The following CREB5 variants were observed in gnomAD, a reference collection of about 807,000 sequenced individuals.
CREB5 encodes the protein cAMP responsive element binding protein 5.
In CREB5, 19 loss-of-function variants were observed where a neutral mutation model predicts 57.1. The observed-to-expected ratio is 0.33, with a 90% CI of 0.23 to 0.49. The LOEUF is 0.49. Among genes scored for constraint, CREB5 ranks in the 20% least tolerant of loss-of-function variants. CREB5 has a pLI of 0.99. For synonymous variants in CREB5, 238 were observed against 238.3 expected (o/e 1.00, Z 0.01); for missense variants, 579 against 671.6 (o/e 0.86, Z 1.52).
chr7:28,725,659 A>AAAAG (rs566073621), intron 7 of CREB5, among the ~76,000 whole-genome samples: 109 of 148,340 alleles, frequency 7.3e-4, no homozygotes, highest in South Asian at 1.7e-3. Flanking sequence ...AAAAAAAAAA[A>AAAAG]AAAGAAAGAA....
At chr7:28,490,578 A>G (rs1420618079) in intron 2 of CREB5, among the ~76,000 whole-genome samples, 4 of 152,218 alleles carry the variant, frequency 2.6e-5, no homozygotes, top group African/African-American at 9.6e-5. Flanking sequence ...GAATTTTCCA[A>G]GCTTGGCACC....
At chr7:28,625,771 A>G (rs116115392) in intron 5 of CREB5, among the ~76,000 whole-genome samples, 81 of 152,350 alleles carry the variant, frequency 5.3e-4, no homozygotes, top group African/African-American at 1.8e-3. Flanking sequence ...AAAATGTGCT[A>G]TCAGACTTTA....
At position 28,560,897 on chromosome 7, in the gene CREB5, C is replaced by CGTGTGTGTGCGTGTGT. The variant is rs1334757992; in HGVS notation, c.292-9465_292-9464insTGTGTGCGTGTGTGTG. Reference sequence around the variant, plus strand: ...GCGCGTGCGTGCGTGCGTGTGTGTGCGTGCGCGCGTGCGTGTGCGTGTGTG... The same window carrying CGTGTGTGTGCGTGTGT: ...GCGCGTGCGTGCGTGCGTGTGTGTGCGTGTGTGTGCGTGTGTGTGCGCGCGTGCGTGTGCGTGTGTG... On this transcript the variant is annotated intron_variant, in intron 4 of 10. Transcript: ENST00000357727. Among the ~76,000 whole-genome samples, 41 of 22,522 alleles carry CGTGTGTGTGCGTGTGT rather than the reference C, an allele frequency of 1.8e-3. 2 individuals are homozygous for CGTGTGTGTGCGTGTGT. Among genetic ancestry groups the CGTGTGTGTGCGTGTGT allele is most frequent in the Non-Finnish European group, 3.2e-3 (35 of 10,898 alleles). 14.8% of individuals were successfully genotyped at this position (22,522 alleles called of 152,430 possible). A position where few individuals can be genotyped will look rare whatever the true frequency, so the allele number is the denominator to read the frequency against.
intron 1 of CREB5, among the ~76,000 whole-genome samples, chr7:28,330,401 C>CCTTTTTTTTTTTTTT (rs775917974): frequency 1.1e-5 from 1 of 88,538 alleles, no homozygotes; most frequent in African/African-American, 4.9e-5. Context: ...GAGAACCTTA[C>CCTTTTTTTTTTTTTT]TTTTTTTTTT....
chr7:28,302,543 A>G (rs1785114576), intron 1 of CREB5, among the ~76,000 whole-genome samples: 1 of 152,178 alleles, frequency 6.6e-6, no homozygotes, highest in African/African-American at 2.4e-5. Flanking sequence ...TTTGAATCCA[A>G]TCCCTTCATT....
rs893238493 is a variant in CREB5 at position 28,435,502 on chromosome 7, C to T, written c.3+22585C>T. ...TAGTGGCCTCTAGCTTCTGCTGGGC[C>T]GGCCTTAATATGAATGAGGGCCATA... On this transcript the variant is annotated intron_variant, in intron 1 of 10. Coordinates refer to ENST00000357727, the MANE Select transcript of CREB5 (RefSeq NM_182898.4). 3.4e-5 allele frequency: 11 copies of T among 324,358 alleles called. No individual in the cohort carries two copies. The South Asian group carries it at 5.0e-4, about 15-fold the overall frequency. 20.1% of individuals were successfully genotyped at this position (324,358 alleles called of 1,614,324 possible).
intron 8 of CREB5, among the ~76,000 whole-genome samples, chr7:28,806,101 C>T (rs1808714512): frequency 6.6e-6 from 1 of 151,994 alleles, no homozygotes; most frequent in African/African-American, 2.4e-5. Context: ...GTTTGGTTGC[C>T]TTTATGGGCA....
At chr7:28,654,778 T>A (rs1799271556) in intron 5 of CREB5, among the ~76,000 whole-genome samples, 1 of 151,486 alleles carries the variant, frequency 6.6e-6, no homozygotes, top group Non-Finnish European at 1.5e-5. Flanking sequence ...AAATGAGAGG[T>A]TCAAATGTAC....
At chr7:28,389,423 C>T (rs1321711436) in intron 1 of CREB5, among the ~76,000 whole-genome samples, 1 of 152,106 alleles carries the variant, frequency 6.6e-6, no homozygotes, top group African/African-American at 2.4e-5. Flanking sequence ...TCCAGGGCTA[C>T]TGGCTGTGGT....
chr7:28,716,636 A>T (rs1802703874), intron 5 of CREB5, among the ~76,000 whole-genome samples: 1 of 152,230 alleles, frequency 6.6e-6, no homozygotes. Context: ...CATTATATAT[A>T]CACTTTGATA....
intron 1 of CREB5, among the ~76,000 whole-genome samples, chr7:28,442,684 T>C (rs991859642): frequency 1.3e-5 from 2 of 152,212 alleles, no homozygotes; most frequent in African/African-American, 4.8e-5. Flanking sequence ...GTTGTGGTTT[T>C]GATTTGCATT....
chr7:28,535,308 G>T (rs1222876587), intron 4 of CREB5, among the ~76,000 whole-genome samples: 9 of 128,976 alleles, frequency 7.0e-5, no homozygotes, highest in African/African-American at 2.2e-4. Context: ...TTTAGGAAAA[G>T]TGAAAGGAGG....
At chr7:28,300,220 G>T (rs1416106953) in intron 1 of CREB5, among the ~76,000 whole-genome samples, 1 of 152,076 alleles carries the variant, frequency 6.6e-6, no homozygotes, top group East Asian at 1.9e-4. Context: ...CTCATATGGT[G>T]CTAGTTCTCA....
At chr7:28,581,070 C>G (rs1310078569) in intron 5 of CREB5, among the ~76,000 whole-genome samples, 1 of 152,104 alleles carries the variant, frequency 6.6e-6, no homozygotes, top group Non-Finnish European at 1.5e-5. Context: ...CAAGATGGGT[C>G]TTCAGTTAGA....
intron 5 of CREB5, among the ~76,000 whole-genome samples, chr7:28,644,144 G>T (rs1798798632): frequency 6.6e-6 from 1 of 150,534 alleles, no homozygotes; most frequent in Non-Finnish European, 1.5e-5. Flanking sequence ...AAAAAGAAAA[G>T]AAAAGAAAAA....
intron 3 of CREB5, among the ~76,000 whole-genome samples, chr7:28,499,511 C>T (rs868591555): frequency 2.6e-5 from 4 of 152,010 alleles, no homozygotes; most frequent in South Asian, 2.1e-4. Context: ...GGATCTTTCC[C>T]GCAAGGTAAA....
At position 28,341,272 on chromosome 7, in the gene CREB5, A is replaced by G. The variant is rs552799674; in HGVS notation, c.-25+41831A>G. ...TAAGCATTTTTTTCTACTGATTTTCATTAGTTTAAACCTATAATATTTTAT... is the reference window on the plus strand; with the variant it reads ...TAAGCATTTTTTTCTACTGATTTTCGTTAGTTTAAACCTATAATATTTTAT... On this transcript the variant is annotated intron_variant, in intron 1 of 9. Transcript: ENST00000396299. Among the ~76,000 whole-genome samples the G allele has an allele frequency of 1.6e-4, 25 of 152,196 alleles. No homozygotes were observed. The East Asian group carries it at 2.3e-3, about 14-fold the overall frequency.
chr7:28,462,990 G>T (rs1019401140), intron 1 of CREB5, among the ~76,000 whole-genome samples: 6 of 151,620 alleles, frequency 4.0e-5, no homozygotes, highest in Admixed American at 3.3e-4. Flanking sequence ...AGGATTTTTT[G>T]TTTTTTATTT....
At chr7:28,717,070 G>A (rs934715227) in intron 5 of CREB5, among the ~76,000 whole-genome samples, 7 of 149,900 alleles carry the variant, frequency 4.7e-5, no homozygotes, top group South Asian at 2.1e-4. Context: ...TAATCTCTGC[G>A]GAAAGGCTTT....
Sources: allele counts gnomAD v4.1 joint callset (sites outside exome capture counted in the v4.1 genomes callset), GRCh38; gene constraint gnomAD v4.1.1; transcripts MANE v1.5; gene names NCBI Gene and HGNC (gene_info 2026-07-23, HGNC 2026-07-21).